Variants in PC observed in about 807,000 individuals in gnomAD.
PC encodes the protein pyruvate carboxylase, mitochondrial.
PC carries 46 observed loss-of-function variants against 107.8 expected under a neutral mutation model. The observed-to-expected ratio is 0.43, with a 90% CI of 0.34 to 0.55. The LOEUF is 0.55. Ranked by LOEUF, PC falls within the 20% of genes least tolerant of loss-of-function variation. The pLI is 0.04. For synonymous variants in PC, 662 were observed against 684.7 expected, an observed-to-expected ratio of 0.97 and a Z score of 0.52; for missense variants, 1,241 against 1,643.1, an observed-to-expected ratio of 0.76 and a Z score of 4.23.
Position 66,858,527 on chromosome 11 carries a change from C to T in PC, c.1369-5144G>A, listed in dbSNP as rs1946021372. 13 of 1,533,736 alleles carry T rather than the reference C, an allele frequency of 8.5e-6. No individual in the cohort carries two copies. The highest frequency in any genetic ancestry group is 2.4e-5 in the East Asian group (1 of 40,838). On this transcript the variant is annotated intron_variant, in intron 12 of 22. Coordinates refer to ENST00000393960, the MANE Select transcript of PC (RefSeq NM_001040716.2). The surrounding 1 kb of genome is among the most constrained non-coding windows in gnomAD (Gnocchi z 5.9). ...ACCTGGAAACGTGCGCCTCCCCGCC[C>T]GGCCTGGCCGGCCGCTACTTCTGGG...
chr11:66,856,545 T>A (rs938349116), intron 12 of PC: 1 of 152,506 alleles, frequency 6.6e-6, no homozygotes, highest in East Asian at 1.9e-4. Flanking sequence ...ACCCTCCACG[T>A]GACTCGGTGA....
intron 3 of PC, among the ~76,000 whole-genome samples, chr11:66,923,339 G>C (rs966932431): frequency 6.9e-6 from 1 of 144,838 alleles, no homozygotes; most frequent in African/African-American, 2.6e-5. Context: ...TCTAGCCTGG[G>C]AGACAGAGTC....
rs1946028912 is a variant in PC, at chr11:66,858,606, C to CGCG, written c.1368+5167_1368+5168insCGC. The stretch of plus-strand genomic sequence containing the variant: ...GCCGCCCCTCATTGCCCGCCACACG[C>CGCG]AGCGCCTCTGGGTGCTGGAAGGCCA... On this transcript the variant is annotated intron_variant, in intron 12 of 22. Transcript: ENST00000393960. This position sits in a 1 kb window ranked among gnomAD's most constrained non-coding sequence, Gnocchi z 5.9. 1.3e-6 allele frequency: 2 copies of CGCG among 1,535,254 alleles called. No homozygotes were observed. The highest frequency in any genetic ancestry group is 2.0e-5 in the Admixed American group (1 of 50,948).
intron 3 of PC, among the ~76,000 whole-genome samples, chr11:66,895,977 A>G (rs1947746223): frequency 6.6e-6 from 1 of 152,270 alleles, no homozygotes; most frequent in Non-Finnish European, 1.5e-5. Flanking sequence ...CAAAAGTATC[A>G]GAAATCAGAA....
At position 66,848,601 on chromosome 11, in the gene PC, T is replaced by A; in HGVS notation, c.*298A>T. 1.7e-6 allele frequency: 1 copy of A among 600,392 alleles called. No individual in the cohort carries two copies. Among genetic ancestry groups the A allele is most frequent in the East Asian group, 2.8e-5 (1 of 36,300 alleles). The allele number at this position is 600,392 out of a possible 1,614,324, so 37.2% of individuals were successfully genotyped here. On this transcript the variant is annotated 3_prime_UTR_variant, in exon 23 of 23. Coordinates refer to ENST00000393960, the MANE Select transcript of PC (RefSeq NM_001040716.2). ...TTAGATCTCCCCTTCCCCCAGGAGA[T>A]AGGACCCCTAAACCTCCCCTGGGTC...
At chr11:66,926,834 T>G (rs756975465) in intron 3 of PC, among the ~76,000 whole-genome samples, 5 of 151,938 alleles carry the variant, frequency 3.3e-5, no homozygotes, top group Non-Finnish European at 7.4e-5. Context: ...CTGGCTTCTT[T>G]TGCTTAGCAC....
chr11:66,870,999 C>A lies in PC; in HGVS notation c.633+53G>T. The A allele has an allele frequency of 6.2e-7, 1 of 1,611,732 alleles. No homozygotes were observed. The highest frequency in any genetic ancestry group is 8.5e-7 in the Non-Finnish European group (1 of 1,178,720). ...AGATCCCTTGAGTGGTCCGCCCCTG[C>A]CCCCACGGCAGGCTGCCCTGCCCTG... is the stretch of plus-strand genomic sequence containing the variant. On this transcript the variant is annotated intron_variant, in intron 7 of 22. Transcript: ENST00000393960. This position sits in a 1 kb window ranked among gnomAD's most constrained non-coding sequence, Gnocchi z 6.1.
chr11:66,918,710 G>A (rs1451269964), intron 3 of PC, among the ~76,000 whole-genome samples: 1 of 152,072 alleles, frequency 6.6e-6, no homozygotes, highest in African/African-American at 2.4e-5. Flanking sequence ...TTTTAGGGGT[G>A]TGGGTATAGA....
chr11:66,915,339 AG>A (rs1324634858), intron 3 of PC, among the ~76,000 whole-genome samples: 2 of 152,194 alleles, frequency 1.3e-5, no homozygotes, highest in African/African-American at 4.8e-5. Context: ...CAGCAGGGTT[AG>A]GGCACTCTCA....
intron 3 of PC, among the ~76,000 whole-genome samples, chr11:66,936,078 CAAA>C (rs11346699): frequency 7.9e-4 from 83 of 104,856 alleles, no homozygotes; most frequent in East Asian, 1.7e-3. Flanking sequence ...GACCCTGTCT[CAAA>C]AAAAAAAAAA....
Position 66,885,416 on chromosome 11 carries a change from G to A in PC, c.1-13257C>T, listed in dbSNP as rs186691148. 4.9e-4 allele frequency among the ~76,000 whole-genome samples: 74 copies of A among 151,360 alleles called. 1 individual carries two copies. The East Asian group carries it at 0.013, about 27-fold the overall frequency. ...GAGACAGGAGAATTTGCTTGAACCC[G>A]GGAGGCAGAGGTTGCAGTGAGCCGA... On this transcript the variant is annotated intron_variant, in intron 3 of 22. Coordinates refer to ENST00000393960, the MANE Select transcript of PC (RefSeq NM_001040716.2).
chr11:66,861,317 A>G (rs1946243925), intron 12 of PC, among the ~76,000 whole-genome samples: 1 of 152,162 alleles, frequency 6.6e-6, no homozygotes, highest in African/African-American at 2.4e-5. Flanking sequence ...CAGAGGGTCA[A>G]GCTCCCCCAG....
chr11:66,933,236 G>T (rs1357099830), intron 3 of PC, among the ~76,000 whole-genome samples: 1 of 152,068 alleles, frequency 6.6e-6, no homozygotes, highest in African/African-American at 2.4e-5. Context: ...CCACAGATGA[G>T]ATGCAACTGT....
chr11:66,873,019 T>C (rs573998037), intron 3 of PC, among the ~76,000 whole-genome samples: 47 of 135,300 alleles, frequency 3.5e-4, no homozygotes, highest in African/African-American at 1.3e-3. Context: ...CTGGGTGACA[T>C]CAAGACTCTG....
chr11:66,852,552 C>T lies in PC; in HGVS notation c.1712G>A (p.Arg571Lys). Residue 571 changes from arginine (R) to lysine (K), a missense_variant, in exon 15 of 23, where the codon AGG becomes AAG. Physicochemically the swap from Arg to Lys is conservative, Grantham distance 26. This residue lies in a region of PC where 1,143 missense variants were observed against 1,551.9 expected (regional missense o/e 0.74). Transcript: ENST00000393960. This position sits in a 1 kb window ranked among gnomAD's most constrained non-coding sequence, Gnocchi z 4.7. ...GGCCAGCAGTGACTGGTGGGCGTCC[C>T]TGAAGGTCGTGTCCATCAGCAGCAG... is the stretch of plus-strand genomic sequence containing the variant. ...PGLLLMDTTF[R>K]DAHQSLLATR... 1 of 1,614,066 alleles carries T rather than the reference C, an allele frequency of 6.2e-7. No homozygotes were observed. Among genetic ancestry groups the T allele is most frequent in the Non-Finnish European group, 8.5e-7 (1 of 1,180,030 alleles).
intron 3 of PC, among the ~76,000 whole-genome samples, chr11:66,943,301 C>T (rs1026908433): frequency 2.6e-5 from 4 of 151,336 alleles, no homozygotes; most frequent in Non-Finnish European, 5.9e-5. Flanking sequence ...AAAGGGGTCA[C>T]GGTCAAAAGG....
rs550066048 is a variant in PC, at chr11:66,851,020, C to T, written c.2223+20G>A. On this transcript the variant is annotated intron_variant, in intron 17 of 22. Coordinates refer to ENST00000393960, the MANE Select transcript of PC (RefSeq NM_001040716.2). ...CATGGCCGGGGCAGAGAGGGAGGGA[C>T]GGACAAGTGGCCCAGGCACCTTGAT... 90 of 1,611,716 alleles carry T rather than the reference C, an allele frequency of 5.6e-5. No homozygotes were observed. Among genetic ancestry groups the T allele is most frequent in the Admixed American group, 3.0e-4 (18 of 60,004 alleles).
intron 3 of PC, among the ~76,000 whole-genome samples, chr11:66,885,757 C>T (rs913869008): frequency 3.3e-5 from 5 of 152,138 alleles, no homozygotes; most frequent in Non-Finnish European, 7.3e-5. Flanking sequence ...CAGAGCCATC[C>T]GAGAGAGCAC....
At chr11:66,872,346 C>A (rs1252184395) in intron 3 of PC, among the ~76,000 whole-genome samples, 187 bp from the exon 4 acceptor site, 1 of 152,064 alleles carries the variant, frequency 6.6e-6, no homozygotes, top group Non-Finnish European at 1.5e-5. Context: ...CCAAATGGAA[C>A]CCCCAGCTCA....
Sources: allele counts gnomAD v4.1 joint callset (sites outside exome capture counted in the v4.1 genomes callset), GRCh38; gene constraint gnomAD v4.1.1; regional missense constraint gnomAD v4.1.1; non-coding constraint Gnocchi (gnomAD v3.1); transcripts MANE v1.5; gene names NCBI Gene and HGNC (gene_info 2026-07-23, HGNC 2026-07-21).